DENND1A: variants seen among roughly 807,000 people sequenced by gnomAD.
DENND1A encodes the protein DENN domain-containing protein 1A.
Under a neutral mutation model 113.7 loss-of-function variants are expected in DENND1A, and 51 were observed. The ratio of observed to expected loss-of-function variants is 0.45; its 90% CI spans 0.36 to 0.57. DENND1A has a LOEUF of 0.57. Ranked by LOEUF, DENND1A falls within the 20% of genes least tolerant of loss-of-function variation. DENND1A has a pLI of 0.00. For missense variants in DENND1A, 1,258 were observed against 1,395.9 expected (o/e 0.90, Z 1.57); for synonymous variants, 565 against 570.8 (o/e 0.99, Z 0.14).
intron 1 of DENND1A, among the ~76,000 whole-genome samples, chr9:123,909,115 G>A (rs1427732715): frequency 9.2e-5 from 14 of 151,858 alleles, no homozygotes; most frequent in African/African-American, 2.4e-4. Context: ...ACCAAACACC[G>A]CATATTCTCA....
At chr9:123,763,410 T>C (rs1036374749) in intron 4 of DENND1A, among the ~76,000 whole-genome samples, 7 of 152,090 alleles carry the variant, frequency 4.6e-5, no homozygotes, top group African/African-American at 7.2e-5. Context: ...CATTTGAAGA[T>C]AGGAAAGACT....
rs541254212 is a variant in DENND1A, at chr9:123,520,409, T to C, written c.993+37161A>G. ...GCGAGGTTGCAGTGAGCCGAGATCG[T>C]GTCATTGCACTACAGCCTGGCCAAC... On this transcript the variant is annotated intron_variant, in intron 13 of 23. Transcript: ENST00000394215. 6.6e-5 allele frequency among the ~76,000 whole-genome samples: 10 copies of C among 152,206 alleles called. No individual in the cohort carries two copies. In the East Asian group the frequency reaches 1.7e-3, roughly 26 times the overall value.
intron 6 of DENND1A, among the ~76,000 whole-genome samples, chr9:123,673,686 C>T (rs574465727): frequency 6.6e-6 from 1 of 152,154 alleles, no homozygotes; most frequent in East Asian, 1.9e-4. Context: ...TCACAATAGG[C>T]ACTTCACATC....
At chr9:123,717,176 T>G (rs2067029246) in intron 5 of DENND1A, among the ~76,000 whole-genome samples, 1 of 152,156 alleles carries the variant, frequency 6.6e-6, no homozygotes, top group East Asian at 1.9e-4. Context: ...AGTTGGCAAG[T>G]GACAGCCTCT....
At chr9:123,576,727 T>C (rs978813259) in intron 12 of DENND1A, among the ~76,000 whole-genome samples, 2 of 152,208 alleles carry the variant, frequency 1.3e-5, no homozygotes, top group African/African-American at 4.8e-5. Context: ...TGACCTCAGG[T>C]GATCCACCTG....
intron 5 of DENND1A, among the ~76,000 whole-genome samples, chr9:123,755,926 T>C (rs12003663): frequency 0.072 from 10,889 of 152,242 alleles, 541 homozygotes; most frequent in African/African-American, 0.14. Flanking sequence ...TGTTTTGTTT[T>C]TGAGATGGAG....
intron 13 of DENND1A, among the ~76,000 whole-genome samples, chr9:123,506,103 T>C (rs2134374406): frequency 6.6e-6 from 1 of 152,260 alleles, no homozygotes; most frequent in African/African-American, 2.4e-5. Context: ...CATTTTGCAT[T>C]ACAATTCTGA....
At chr9:123,562,493 C>T (rs183835747) in intron 12 of DENND1A, among the ~76,000 whole-genome samples, 55 of 152,200 alleles carry the variant, frequency 3.6e-4, no homozygotes, top group African/African-American at 8.4e-4. Flanking sequence ...CAAATACTGT[C>T]GAGTGAGGAA....
chr9:123,896,978 T>C (rs1321084005), intron 1 of DENND1A, among the ~76,000 whole-genome samples: 2 of 152,226 alleles, frequency 1.3e-5, no homozygotes, highest in African/African-American at 4.8e-5. Context: ...ACTTCATTCT[T>C]GGTCTGAAAA....
chr9:123,574,822 A>G (rs1351352450), intron 12 of DENND1A, among the ~76,000 whole-genome samples: 2 of 152,252 alleles, frequency 1.3e-5, no homozygotes, highest in Admixed American at 6.5e-5. Context: ...ACAAGCTTGC[A>G]TATCTTAGAT....
chr9:123,640,919 C>T (rs896626049), intron 9 of DENND1A, among the ~76,000 whole-genome samples: 4 of 152,248 alleles, frequency 2.6e-5, no homozygotes, highest in African/African-American at 9.6e-5. Flanking sequence ...GATACTCTCT[C>T]CTCCACTCCT....
intron 2 of DENND1A, among the ~76,000 whole-genome samples, chr9:123,802,751 G>A (rs1044711328): frequency 2.0e-5 from 3 of 151,474 alleles, no homozygotes; most frequent in Admixed American, 1.3e-4. Context: ...TGCCCAGGCT[G>A]GAGTTCAATG....
chr9:123,383,997 G>T, intron 22 of DENND1A, 84 bp from the exon 23 acceptor site: 13 of 1,534,710 alleles, frequency 8.5e-6, no homozygotes, highest in Non-Finnish European at 1.1e-5. Context: ...CACATTGAGG[G>T]CTTGAGGGGT....
At chr9:123,890,800 C>G (rs1849786818) in intron 1 of DENND1A, among the ~76,000 whole-genome samples, 1 of 152,114 alleles carries the variant, frequency 6.6e-6, no homozygotes, top group Non-Finnish European at 1.5e-5. Context: ...AGTCTATATT[C>G]TTGAATTTTT....
intron 1 of DENND1A, among the ~76,000 whole-genome samples, chr9:123,911,282 G>C (rs1211341364): frequency 2.0e-5 from 3 of 152,152 alleles, no homozygotes; most frequent in Non-Finnish European, 4.4e-5. Flanking sequence ...ACAATATAAA[G>C]TGTTGGATAT....
intron 10 of DENND1A, among the ~76,000 whole-genome samples, chr9:123,622,483 G>A (rs1436594615): frequency 6.6e-6 from 1 of 152,094 alleles, no homozygotes; most frequent in African/African-American, 2.4e-5. Flanking sequence ...CTGAATAAAT[G>A]CATAATTAAT....
At chr9:123,729,885 A>G (rs1463472961) in intron 5 of DENND1A, among the ~76,000 whole-genome samples, 76 of 152,226 alleles carry the variant, frequency 5.0e-4, no homozygotes, top group Non-Finnish European at 2.9e-5. Context: ...TAACCAAAAC[A>G]GCATGGTACT....
intron 13 of DENND1A, among the ~76,000 whole-genome samples, chr9:123,546,500 C>T (rs1401740292): frequency 1.3e-5 from 2 of 151,780 alleles, no homozygotes; most frequent in African/African-American, 4.8e-5. Flanking sequence ...TGCAGTGAGC[C>T]TAGATCGCAC....
intron 13 of DENND1A, among the ~76,000 whole-genome samples, chr9:123,512,926 C>G (rs1455695769): frequency 6.6e-6 from 1 of 152,214 alleles, no homozygotes; most frequent in Admixed American, 6.5e-5. Context: ...TGTCTGAAAG[C>G]GTGTCTGCCT....
Sources: gnomAD v4.1 joint callset for allele counts (sites outside exome capture counted in the v4.1 genomes callset) on GRCh38, gnomAD v4.1.1 for gene constraint, MANE v1.5 for transcripts, NCBI Gene and HGNC (gene_info 2026-07-23, HGNC 2026-07-21) for gene names.